ABLIM1: variants seen among roughly 807,000 people sequenced by gnomAD.
ABLIM1 encodes the protein actin-binding LIM protein 1.
Under a neutral mutation model 107.0 loss-of-function variants are expected in ABLIM1, and 40 were observed. The observed-to-expected ratio is 0.37, with a 90% CI of 0.29 to 0.49. The LOEUF (loss-of-function observed/expected upper bound fraction) is 0.49. Among genes scored for constraint, ABLIM1 ranks in the 20% least tolerant of loss-of-function variants. The probability of loss-of-function intolerance (pLI) is 0.97; values close to 1 mark genes in which losing one functional copy is unlikely to be tolerated. For synonymous variants in ABLIM1, 357 were observed against 357.3 expected (o/e 1.00, Z 0.01); for missense variants, 857 against 1,008.5 (o/e 0.85, Z 2.04).
chr10:114,721,425 T>C (rs1204160311), intron 1 of ABLIM1, among the ~76,000 whole-genome samples: 3 of 152,138 alleles, frequency 2.0e-5, no homozygotes. Context: ...CATATCAGTC[T>C]GGAGGGGCAT....
intron 1 of ABLIM1, among the ~76,000 whole-genome samples, chr10:114,635,469 C>T (rs1021460738): frequency 6.6e-6 from 1 of 152,214 alleles, no homozygotes; most frequent in African/African-American, 2.4e-5. Context: ...AGGATCCCTC[C>T]GTGGGACTGG....
chr10:114,461,479 T>C (rs956796295), intron 12 of ABLIM1, among the ~76,000 whole-genome samples: 2 of 151,980 alleles, frequency 1.3e-5, no homozygotes, highest in Non-Finnish European at 2.9e-5. Flanking sequence ...TGACATTTTA[T>C]AAATAAAAAT....
chr10:114,562,178 T>C (rs2069817894), intron 4 of ABLIM1, among the ~76,000 whole-genome samples: 2 of 152,128 alleles, frequency 1.3e-5, no homozygotes, highest in South Asian at 4.1e-4. Flanking sequence ...GTAGCTGCTC[T>C]CCAGTGTTGT....
chr10:114,544,929 G>C, intron 6 of ABLIM1, 76 bp downstream of exon 6: 1 of 1,332,950 alleles, frequency 7.5e-7, no homozygotes, highest in Non-Finnish European at 1.1e-6. Context: ...AGGTGGGAAA[G>C]GGTCCCCTCT....
At chr10:114,461,411 G>GA (rs886180879) in intron 12 of ABLIM1, among the ~76,000 whole-genome samples, 68 of 133,726 alleles carry the variant, frequency 5.1e-4, no homozygotes, top group South Asian at 3.6e-3. Flanking sequence ...TTTTTTTTAA[G>GA]AAAAAAAAAC....
intron 1 of ABLIM1, among the ~76,000 whole-genome samples, chr10:114,693,954 T>C (rs2081142697): frequency 1.3e-5 from 2 of 151,996 alleles, no homozygotes; most frequent in Admixed American, 1.3e-4. Context: ...TCAGCCACCA[T>C]GCCCAGTCTA....
chr10:114,556,769 C>A (rs1324411362), intron 4 of ABLIM1, among the ~76,000 whole-genome samples: 9 of 152,110 alleles, frequency 5.9e-5, no homozygotes, highest in East Asian at 5.8e-4. Flanking sequence ...AAATCAGACA[C>A]CTAGGAGTTG....
At position 114,462,571 on chromosome 10, in the gene ABLIM1, T is replaced by C. The variant is rs117125592; in HGVS notation, c.1441+3127A>G. 9.2e-5 allele frequency among the ~76,000 whole-genome samples: 14 copies of C among 152,266 alleles called. No individual in the cohort carries two copies. The East Asian group carries it at 2.1e-3, about 23-fold the overall frequency. On this transcript the variant is annotated intron_variant, in intron 12 of 22. Coordinates refer to ENST00000533213, the MANE Select transcript of ABLIM1 (RefSeq NM_002313.7). Reference sequence around the variant, plus strand: ...TCAAAGAGAAACATTGATGTTGCCATAGATCTTTTAATGCTGCCCAAACAT... The same window carrying C: ...TCAAAGAGAAACATTGATGTTGCCACAGATCTTTTAATGCTGCCCAAACAT...
chr10:114,441,584 C>G, intron 18 of ABLIM1, 138 bp downstream of exon 18: 1 of 702,042 alleles, frequency 1.4e-6, no homozygotes, highest in Non-Finnish European at 2.4e-6. Context: ...ATTTACTAGG[C>G]AACCAGGGAG....
At chr10:114,727,826 A>C (rs1236155242) in intron 1 of ABLIM1, among the ~76,000 whole-genome samples, 2 of 152,126 alleles carry the variant, frequency 1.3e-5, no homozygotes, top group African/African-American at 2.4e-5. Flanking sequence ...ATGGTGGCTC[A>C]TGCCTGTATT....
At chr10:114,685,367 G>A (rs571389224), upstream of ABLIM1, among the ~76,000 whole-genome samples, 74 of 152,224 alleles carry the variant, frequency 4.9e-4, no homozygotes, top group African/African-American at 1.5e-3. Flanking sequence ...AGCAGCACCC[G>A]TTGTGAGATA....
intron 1 of ABLIM1, chr10:114,632,905 G>T: frequency 2.0e-6 from 1 of 498,232 alleles, no homozygotes; most frequent in Non-Finnish European, 2.6e-6. Flanking sequence ...GGAGGCTTTT[G>T]ATTTCTGACC....
upstream of ABLIM1, among the ~76,000 whole-genome samples, chr10:114,768,248 A>T (rs1266567852): frequency 6.8e-6 from 1 of 147,104 alleles, no homozygotes; most frequent in Non-Finnish European, 1.5e-5. Flanking sequence ...ACGGGCGGGG[A>T]CGCAGCGGCC....
intron 12 of ABLIM1, among the ~76,000 whole-genome samples, chr10:114,463,830 G>T (rs1345112682): frequency 6.6e-6 from 1 of 152,126 alleles, no homozygotes; most frequent in African/African-American, 2.4e-5. Flanking sequence ...GTTCTATATG[G>T]ATCACAAGTA....
At chr10:114,474,292 C>T (rs1230870617) in intron 8 of ABLIM1, among the ~76,000 whole-genome samples, 2 of 152,004 alleles carry the variant, frequency 1.3e-5, no homozygotes, top group African/African-American at 2.4e-5. Flanking sequence ...TCCATTCATC[C>T]AGATTATTGC....
Position 114,441,680 on chromosome 10 carries a change from T to A in ABLIM1, c.1998+42A>T, listed in dbSNP as rs1171486035. On this transcript the variant is annotated intron_variant, in intron 18 of 22. Transcript: ENST00000533213. ...GTCAATACTTCAACCAGGGCCGAGG[T>A]GGGAGTAAAGGCAGAAACAATGAAT... The A allele has an allele frequency of 5.7e-6, 9 of 1,565,666 alleles. No homozygotes were observed. The East Asian group carries it at 2.0e-4, about 35-fold the overall frequency.
chr10:114,641,314 G>A (rs1293115510), intron 1 of ABLIM1, among the ~76,000 whole-genome samples: 2 of 147,120 alleles, frequency 1.4e-5, no homozygotes, highest in Admixed American at 1.4e-4. Context: ...AGGAAGACAT[G>A]GTTGTTATCT....
intron 15 of ABLIM1, 54 bp downstream of exon 15, chr10:114,447,826 T>C: frequency 2.5e-6 from 4 of 1,599,776 alleles, no homozygotes; most frequent in Non-Finnish European, 3.4e-6. Flanking sequence ...AAGCATGTCA[T>C]CTTGAGCTCT....
At chr10:114,456,933 T>A (rs1396865040) in intron 12 of ABLIM1, among the ~76,000 whole-genome samples, 6 of 118,774 alleles carry the variant, frequency 5.1e-5, no homozygotes, top group South Asian at 2.6e-4. Flanking sequence ...TGTTTTTTTT[T>A]TAAAAAAAAA....
Sources: gnomAD v4.1 joint callset for allele counts (sites outside exome capture counted in the v4.1 genomes callset) on GRCh38, gnomAD v4.1.1 for gene constraint, MANE v1.5 for transcripts, NCBI Gene and HGNC (gene_info 2026-07-23, HGNC 2026-07-21) for gene names.